USP8: variants seen among roughly 807,000 people sequenced by gnomAD.
The protein encoded by USP8 is ubiquitin carboxyl-terminal hydrolase 8.
In USP8, 27 loss-of-function variants were observed where a neutral mutation model predicts 130.0. That is an observed-to-expected ratio of 0.21 (90% CI 0.15 to 0.29). The LOEUF (loss-of-function observed/expected upper bound fraction) is 0.29. Among genes scored for constraint, USP8 ranks in the 10% least tolerant of loss-of-function variants. The pLI is 1.00. For missense variants in USP8, 1,029 were observed against 1,312.2 expected (o/e 0.78, Z 3.33); for synonymous variants, 392 against 444.1 (o/e 0.88, Z 1.48).
At chr15:50,487,648 A>G (rs1384758579) in intron 12 of USP8, among the ~76,000 whole-genome samples, 3 of 152,178 alleles carry the variant, frequency 2.0e-5, no homozygotes, top group Non-Finnish European at 2.9e-5. Flanking sequence ...TCAGGAAGCA[A>G]GGGTACTCAA....
At chr15:50,460,360 G>A (rs937980161) in intron 5 of USP8, among the ~76,000 whole-genome samples, 3 of 137,788 alleles carry the variant, frequency 2.2e-5, no homozygotes, top group African/African-American at 8.3e-5. Flanking sequence ...AGGCTGGAGT[G>A]CAGTGGTGCG....
intron 12 of USP8, among the ~76,000 whole-genome samples, chr15:50,487,264 G>T (rs183524873): frequency 3.5e-4 from 54 of 152,198 alleles, no homozygotes; most frequent in Admixed American, 3.0e-3. Context: ...AGATGTGTAA[G>T]CCTTACAAAA....
Position 50,501,081 on chromosome 15 carries a change from G to A in USP8, c.*1993G>A, listed in dbSNP as rs2052577971. 2.3e-6 allele frequency: 1 copy of A among 428,484 alleles called. No individual in the cohort carries two copies. Among genetic ancestry groups the A allele is most frequent in the African/African-American group, 2.0e-5 (1 of 50,000 alleles). 26.5% of individuals were successfully genotyped at this position (428,484 alleles called of 1,614,324 possible). On this transcript the variant is annotated 3_prime_UTR_variant, in exon 20 of 20. Coordinates refer to ENST00000307179, the MANE Select transcript of USP8 (RefSeq NM_005154.5). ...GAATAAAGAAAGACAATATTTAGCAGCATCTGATTAATGTTTATCAGTGAA... is the reference window on the plus strand; with the variant it reads ...GAATAAAGAAAGACAATATTTAGCAACATCTGATTAATGTTTATCAGTGAA...
At chr15:50,434,341 A>G (rs1210581659) in intron 1 of USP8, among the ~76,000 whole-genome samples, 1 of 151,448 alleles carries the variant, frequency 6.6e-6, no homozygotes, top group African/African-American at 2.4e-5. Context: ...GACCTCAAGC[A>G]GTCCACCTGC....
intron 10 of USP8, among the ~76,000 whole-genome samples, chr15:50,478,081 AC>A: frequency 6.6e-6 from 1 of 152,330 alleles, no homozygotes; most frequent in African/African-American, 2.4e-5. Context: ...TTGCATTATC[AC>A]AGTGAATTAG....
At chr15:50,473,456 C>G (rs1243975326) in intron 8 of USP8, among the ~76,000 whole-genome samples, 1 of 152,130 alleles carries the variant, frequency 6.6e-6, no homozygotes, top group African/African-American at 2.4e-5. Flanking sequence ...ACATAACCAT[C>G]ATAGGCCTAA....
At position 50,512,699 on chromosome 15, in the gene USP8, T is replaced by C. The variant is rs746210801; in HGVS notation, c.*13611T>C. ...CCCAGCTACTTGGGAGGCTGGGGCA[T>C]GAGAATCATTTGAAACCAGGGGGTG... is the stretch of plus-strand genomic sequence containing the variant. On this transcript the variant is annotated 3_prime_UTR_variant, in exon 20 of 20. Coordinates refer to ENST00000307179, the MANE Select transcript of USP8 (RefSeq NM_005154.5). 1.3e-5 allele frequency: 2 copies of C among 151,564 alleles called. No homozygotes were observed. Among genetic ancestry groups the C allele is most frequent in the African/African-American group, 2.4e-5 (1 of 41,214 alleles). The allele number at this position is 151,564 out of a possible 1,614,324, so 9.4% of individuals were successfully genotyped here.
At chr15:50,492,455 A>C (rs2052211210) in intron 14 of USP8, among the ~76,000 whole-genome samples, 1 of 152,158 alleles carries the variant, frequency 6.6e-6, no homozygotes, top group Non-Finnish European at 1.5e-5. Context: ...GTCTCTAAGA[A>C]CCATGACCCA....
chr15:50,514,124 C>A lies in USP8; in HGVS notation c.*15036C>A, dbSNP rs1384357173. The A allele has an allele frequency of 2.0e-5, 3 of 152,040 alleles. No individual in the cohort carries two copies. The highest frequency in any genetic ancestry group is 2.0e-4 in the Admixed American group (3 of 15,272). 9.4% of individuals were successfully genotyped at this position (152,040 alleles called of 1,614,324 possible). Reference sequence around the variant, plus strand: ...CAATATAAACAACAATATGGATGAACATTACATAATTTTGAATGAAAGGAG... The same window carrying A: ...CAATATAAACAACAATATGGATGAAAATTACATAATTTTGAATGAAAGGAG... On this transcript the variant is annotated 3_prime_UTR_variant, in exon 20 of 20. Coordinates refer to ENST00000307179, the MANE Select transcript of USP8 (RefSeq NM_005154.5).
At chr15:50,465,373 T>A (rs1340138120) in intron 7 of USP8, among the ~76,000 whole-genome samples, 182 bp downstream of exon 7, 1 of 152,018 alleles carries the variant, frequency 6.6e-6, no homozygotes, top group African/African-American at 2.4e-5. Flanking sequence ...GAGGTACATT[T>A]TAGGAGCAGA....
chr15:50,501,960 A>T lies in USP8; in HGVS notation c.*2872A>T, dbSNP rs751959110. On this transcript the variant is annotated 3_prime_UTR_variant, in exon 20 of 20. Coordinates refer to ENST00000307179, the MANE Select transcript of USP8 (RefSeq NM_005154.5). Reference sequence around the variant, plus strand: ...TCATGCTCATTTGTTTACACTTTTCAGTGGCTGCTTTAATGATACAACAGT... The same window carrying T: ...TCATGCTCATTTGTTTACACTTTTCTGTGGCTGCTTTAATGATACAACAGT... The T allele has an allele frequency of 2.6e-5, 4 of 152,218 alleles. No homozygotes were observed. The highest frequency in any genetic ancestry group is 4.4e-5 in the Non-Finnish European group (3 of 68,034). 9.4% of individuals were successfully genotyped at this position (152,218 alleles called of 1,614,324 possible).
intron 1 of USP8, chr15:50,426,757 T>A (rs1295610101): frequency 6.6e-6 from 1 of 152,136 alleles, no homozygotes; most frequent in Non-Finnish European, 1.5e-5. Context: ...CGCACAACAT[T>A]ACTTCCAACA....
At chr15:50,455,171 C>G (rs1868582536) in intron 4 of USP8, among the ~76,000 whole-genome samples, 1 of 151,234 alleles carries the variant, frequency 6.6e-6, no homozygotes, top group African/African-American at 2.4e-5. Context: ...AGCCTCCTGG[C>G]CTCAAGTGAT....
At chr15:50,483,668 C>T (rs578069233) in intron 11 of USP8, among the ~76,000 whole-genome samples, 3 of 152,142 alleles carry the variant, frequency 2.0e-5, no homozygotes, top group Non-Finnish European at 4.4e-5. Context: ...GTGGCGGGCG[C>T]CTGTAGTCCC....
chr15:50,436,928 C>T (rs951928640), intron 1 of USP8, among the ~76,000 whole-genome samples: 1 of 152,118 alleles, frequency 6.6e-6, no homozygotes, highest in Non-Finnish European at 1.5e-5. Context: ...CTTTGGCCTC[C>T]CAAAGTGCTG....
At chr15:50,478,612 T>G (rs2051651863) in intron 10 of USP8, among the ~76,000 whole-genome samples, 1 of 152,202 alleles carries the variant, frequency 6.6e-6, no homozygotes, top group African/African-American at 2.4e-5. Context: ...TCTTAAAGGG[T>G]GAATTTAGGA....
intron 3 of USP8, among the ~76,000 whole-genome samples, chr15:50,443,365 A>T (rs1367333485): frequency 1.3e-5 from 2 of 151,780 alleles, no homozygotes; most frequent in African/African-American, 4.8e-5. Flanking sequence ...TTATTTTTAG[A>T]GGAGTGTGAC....
At chr15:50,457,680 G>A (rs2050836044) in intron 4 of USP8, among the ~76,000 whole-genome samples, 1 of 150,642 alleles carries the variant, frequency 6.6e-6, no homozygotes, top group Admixed American at 6.6e-5. Flanking sequence ...CTGGCCACAT[G>A]GTGAACCCTG....
In USP8 at chr15:50,500,788, T is replaced by C; in HGVS notation, c.*1700T>C. The stretch of plus-strand genomic sequence containing the variant: ...GCTATATCAGGCCTGGGTGACTGAA[T>C]TCTTGCAGAAAGCAGTGTAGTGGCC... On this transcript the variant is annotated 3_prime_UTR_variant, in exon 20 of 20. Transcript: ENST00000307179. 6.3e-7 allele frequency: 1 copy of C among 1,590,670 alleles called. No homozygotes were observed. Among genetic ancestry groups the C allele is most frequent in the Non-Finnish European group, 8.6e-7 (1 of 1,168,050 alleles).
Sources: allele counts gnomAD v4.1 joint callset (sites outside exome capture counted in the v4.1 genomes callset), GRCh38; gene constraint gnomAD v4.1.1; transcripts MANE v1.5; gene names NCBI Gene and HGNC (gene_info 2026-07-23, HGNC 2026-07-21).